The following TRIM5 variants were observed in gnomAD, a reference collection of about 807,000 sequenced individuals.
TRIM5 encodes tripartite motif-containing protein 5.
Under a neutral mutation model 35.6 loss-of-function variants are expected in TRIM5, and 31 were observed. The ratio of observed to expected loss-of-function variants is 0.87; its 90% CI spans 0.65 to 1.18. The LOEUF is 1.18. TRIM5 is among the 50% of genes most tolerant of loss of function. The pLI is 0.00. For synonymous variants in TRIM5, 243 were observed against 215.6 expected, an observed-to-expected ratio of 1.13 and a Z score of -1.11; for missense variants, 609 against 591.6, an observed-to-expected ratio of 1.03 and a Z score of -0.31.
At chr11:5,623,105 CTT>C in the TRIM5 span, among the ~76,000 whole-genome samples, 517 of 106,846 alleles carry the variant, frequency 4.8e-3, no homozygotes, top group African/African-American at 0.013. Context: ...CTGTCTGGAG[CTT>C]TTTTTTTTTT....
At chr11:5,596,371 G>A in the TRIM5 span, among the ~76,000 whole-genome samples, 1 of 152,104 alleles carries the variant, frequency 6.6e-6, no homozygotes, top group Non-Finnish European at 1.5e-5. Flanking sequence ...CTGGGAATAG[G>A]CCGTGTAAAG....
At chr11:5,641,714 G>A in the TRIM5 span, among the ~76,000 whole-genome samples, 1 of 152,260 alleles carries the variant, frequency 6.6e-6, no homozygotes, top group South Asian at 2.1e-4. Flanking sequence ...ATTAATCTCT[G>A]CCAGTTCACA....
At chr11:5,648,732 T>C in the TRIM5 span, among the ~76,000 whole-genome samples, 1 of 152,178 alleles carries the variant, frequency 6.6e-6, no homozygotes, top group Non-Finnish European at 1.5e-5. Flanking sequence ...GAAGAGGCTT[T>C]TGGTATCTGC....
intron 4 of TRIM5, among the ~76,000 whole-genome samples, chr11:5,676,360 C>T (rs1277463508): frequency 6.6e-6 from 1 of 152,024 alleles, no homozygotes; most frequent in Non-Finnish European, 1.5e-5. Flanking sequence ...TTCACAATTG[C>T]TTCAAAGAGA....
At chr11:5,666,107 AC>A in intron 5 of TRIM5, 26 bp from the exon 6 acceptor site, 1 of 1,502,354 alleles carries the variant, frequency 6.7e-7, no homozygotes, top group Non-Finnish European at 9.1e-7. Context: ...AAAAAAAAAA[AC>A]TTCCAAACCT....
the TRIM5 span, among the ~76,000 whole-genome samples, chr11:5,646,681 C>G: frequency 2.0e-5 from 3 of 152,128 alleles, no homozygotes; most frequent in Non-Finnish European, 4.4e-5. Context: ...CTTTGTAACC[C>G]TTGGACACCA....
downstream of TRIM5, among the ~76,000 whole-genome samples, chr11:5,660,716 G>A (rs1850784714): frequency 6.6e-6 from 1 of 152,028 alleles, no homozygotes; most frequent in African/African-American, 2.4e-5. Context: ...TAATGGTGGT[G>A]TTGGAGTATG....
the TRIM5 span, chr11:5,604,657 C>T: frequency 6.2e-7 from 1 of 1,603,354 alleles, no homozygotes; most frequent in Admixed American, 1.7e-5. Context: ...TGAAGATGTC[C>T]TGGGGCAGGA....
At chr11:5,620,422 C>CT in the TRIM5 span, among the ~76,000 whole-genome samples, 2 of 151,638 alleles carry the variant, frequency 1.3e-5, no homozygotes, top group South Asian at 4.2e-4. Context: ...AGACTGGACT[C>CT]TAACTCCTGA....
chr11:5,642,882 T>G, the TRIM5 span: 1 of 1,612,788 alleles, frequency 6.2e-7, no homozygotes, highest in South Asian at 1.1e-5. Context: ...GTTTTCCAAT[T>G]ACCTTTCAGA....
downstream of TRIM5, among the ~76,000 whole-genome samples, chr11:5,659,303 C>A (rs1850737684): frequency 6.6e-6 from 1 of 152,104 alleles, no homozygotes; most frequent in Non-Finnish European, 1.5e-5. Flanking sequence ...GCGAGCCATT[C>A]CCCCTGTCGC....
At chr11:5,633,834 A>G in the TRIM5 span, 1 of 1,614,096 alleles carries the variant, frequency 6.2e-7, no homozygotes, top group Non-Finnish European at 8.5e-7. Flanking sequence ...CAAGAGGCTG[A>G]AGAAGGAAGA....
At chr11:5,661,541 T>C (rs544331829), downstream of TRIM5, among the ~76,000 whole-genome samples, 1 of 152,156 alleles carries the variant, frequency 6.6e-6, no homozygotes, top group African/African-American at 2.4e-5. Context: ...TCTCCCCAGA[T>C]TGTACCAAAA....
chr11:5,606,943 C>T, the TRIM5 span, among the ~76,000 whole-genome samples: 3 of 152,212 alleles, frequency 2.0e-5, no homozygotes, highest in African/African-American at 7.2e-5. Context: ...GTGGCTCACG[C>T]CTGTAATCCC....
At chr11:5,642,057 A>G in the TRIM5 span, among the ~76,000 whole-genome samples, 3 of 152,194 alleles carry the variant, frequency 2.0e-5, no homozygotes, top group South Asian at 2.1e-4. Flanking sequence ...AGTTTTCCAC[A>G]TATCACATAC....
the TRIM5 span, among the ~76,000 whole-genome samples, chr11:5,602,999 G>A: frequency 2.0e-5 from 3 of 152,110 alleles, no homozygotes; most frequent in African/African-American, 7.2e-5. Context: ...GACTCACACA[G>A]GCCCCTCCTT....
the TRIM5 span, chr11:5,642,280 C>G: frequency 1.3e-6 from 1 of 763,256 alleles, no homozygotes; most frequent in South Asian, 2.3e-5. Context: ...TCCCTTCTCC[C>G]CCTCCTCAGG....
At chr11:5,619,050 T>C in the TRIM5 span, among the ~76,000 whole-genome samples, 1 of 152,156 alleles carries the variant, frequency 6.6e-6, no homozygotes, top group East Asian at 1.9e-4. Context: ...AACGGTGATA[T>C]GAGGGTAGCC....
At chr11:5,665,434 T>A (rs557544039) in intron 7 of TRIM5, 39 bp from the exon 8 acceptor site, 2 of 1,557,790 alleles carry the variant, frequency 1.3e-6, no homozygotes, top group East Asian at 4.5e-5. Context: ...GGATATAATG[T>A]AACTTTATTT....
Sources: gnomAD v4.1 joint callset for allele counts (sites outside exome capture counted in the v4.1 genomes callset) on GRCh38, gnomAD v4.1.1 for gene constraint, MANE v1.5 for transcripts, NCBI Gene and HGNC (gene_info 2026-07-23, HGNC 2026-07-21) for gene names.